The following MGAM2 variants were observed in gnomAD, a reference collection of about 807,000 sequenced individuals.
MGAM2 encodes probable maltase-glucoamylase 2.
Under a neutral mutation model 96.1 loss-of-function variants are expected in MGAM2, and 98 were observed. That is an observed-to-expected ratio of 1.02 (90% CI 0.87 to 1.21). MGAM2 has a LOEUF of 1.21. Among genes scored for constraint, MGAM2 ranks in the 50% most tolerant of loss-of-function variants. The pLI is 0.00. For missense variants in MGAM2, 2,055 were observed against 1,182.4 expected (o/e 1.74, Z -10.82); for synonymous variants, 749 against 414.8 (o/e 1.81, Z -9.79).
rs1481708081 is a variant in MGAM2, at chr7:142,140,820, A to G, written c.1105A>G (p.Ile369Val). Reference sequence around the variant, plus strand: ...CTTTCAGGATGTCCAGTACTCTGACATAGACTACATGGATGGAAAGAAGGA... The same window carrying G: ...CTTTCAGGATGTCCAGTACTCTGACGTAGACTACATGGATGGAAAGAAGGA... ...EIPYDVQYSD[I>V]DYMDGKKDFT... Residue 369 changes from isoleucine (I) to valine (V), a missense_variant, in exon 11 of 48, where the codon ATA (isoleucine) becomes GTA (valine). By Grantham distance (29) the Ile-to-Val change is conservative. Coordinates refer to ENST00000477922, the MANE Select transcript of MGAM2 (RefSeq NM_001293626.2). 1.4e-6 allele frequency: 1 copy of G among 702,762 alleles called. No homozygotes were observed. 43.5% of individuals were successfully genotyped at this position (702,762 alleles called of 1,614,324 possible).
At chr7:142,189,321 T>C (rs1299347862) in intron 36 of MGAM2, 46 bp from the exon 37 acceptor site, 5 of 620,414 alleles carry the variant, frequency 8.1e-6, no homozygotes, top group Non-Finnish European at 1.2e-5. Context: ...TTCTAGTGAA[T>C]GTGCAAATCA....
intron 32 of MGAM2, among the ~76,000 whole-genome samples, chr7:142,182,125 T>TG (rs1198964480): frequency 6.6e-6 from 1 of 151,988 alleles, no homozygotes; most frequent in African/African-American, 2.4e-5. Flanking sequence ...GTTCTGAGAG[T>TG]GGGGCTCCTC....
intron 15 of MGAM2, among the ~76,000 whole-genome samples, chr7:142,150,169 G>T (rs139534776): frequency 6.6e-6 from 1 of 151,612 alleles, no homozygotes; most frequent in African/African-American, 2.4e-5. Flanking sequence ...TCAAACTCCC[G>T]ACCTCTGGTG....
rs182469571 is a variant in MGAM2 at position 142,208,556 on chromosome 7, C to A, written c.5138-17C>A. On this transcript the variant is annotated splice_polypyrimidine_tract_variant and intron_variant, in intron 45 of 47. Coordinates refer to ENST00000477922, the MANE Select transcript of MGAM2 (RefSeq NM_001293626.2). ...GCAGTTAGTAGTTGCTTATTCTTTT[C>A]TTTTCCTTGTTTGCAGATACCTATG... 696 of 702,332 alleles carry A rather than the reference C, an allele frequency of 9.9e-4. 13 individuals are homozygous for A. The Admixed American group carries it at 0.013, about 13-fold the overall frequency. The allele number at this position is 702,332 out of a possible 1,614,324, so 43.5% of individuals were successfully genotyped here.
intron 15 of MGAM2, among the ~76,000 whole-genome samples, chr7:142,153,440 C>G (rs1250803760): frequency 1.3e-5 from 2 of 152,146 alleles, no homozygotes; most frequent in Non-Finnish European, 2.9e-5. Context: ...ATTTCAATGA[C>G]TCTTATTTTG....
chr7:142,162,084 C>A lies in MGAM2; in HGVS notation c.2484+80C>A, dbSNP rs973760472. 6.7e-6 allele frequency: 4 copies of A among 600,394 alleles called. No homozygotes were observed. The African/African-American group carries it at 7.6e-5, about 11-fold the overall frequency. The allele number at this position is 600,394 out of a possible 1,614,324, so 37.2% of individuals were successfully genotyped here. A position where few individuals can be genotyped will look rare whatever the true frequency, so the allele number is the denominator to read the frequency against. On this transcript the variant is annotated intron_variant, in intron 23 of 47. Coordinates refer to ENST00000477922, the MANE Select transcript of MGAM2 (RefSeq NM_001293626.2). The stretch of plus-strand genomic sequence containing the variant: ...TTGAGTTTTTAGTTTAATATAGACA[C>A]ATGGTTATGTGCAGCAGAGACAGGG...
At chr7:142,172,867 G>A (rs1327111166) in intron 30 of MGAM2, 103 bp downstream of exon 30, 5 of 585,234 alleles carry the variant, frequency 8.5e-6, no homozygotes, top group African/African-American at 1.9e-5. Flanking sequence ...ACTCTTGAGT[G>A]TCACTACTAG....
Position 142,199,957 on chromosome 7 carries a change from G to A in MGAM2, c.5126G>A (p.Gly1709Glu), listed in dbSNP as rs1291489175. 1.4e-6 allele frequency: 1 copy of A among 690,146 alleles called. No individual in the cohort carries two copies. The highest frequency in any genetic ancestry group is 2.0e-5 in the Admixed American group (1 of 49,048). The allele number at this position is 690,146 out of a possible 1,614,324, so 42.8% of individuals were successfully genotyped here. ...GAAGGCCAGGTGTTCTGGGATGATGGACAAAGCATTGGTGAGTATAAACTT... is the reference window on the plus strand; with the variant it reads ...GAAGGCCAGGTGTTCTGGGATGATGAACAAAGCATTGGTGAGTATAAACTT... Reference protein sequence around the residue: ...TAEGQVFWDDGQSIDTYENGN... With the variant: ...TAEGQVFWDDEQSIDTYENGN... The change falls in exon 45 of 48, where the codon GGA becomes GAA. Residue 1709 changes from glycine (G) to glutamate (E), a missense_variant. Physicochemically the swap from Gly to Glu is moderately conservative, Grantham distance 98. Coordinates refer to ENST00000477922, the MANE Select transcript of MGAM2 (RefSeq NM_001293626.2).
intron 23 of MGAM2, among the ~76,000 whole-genome samples, chr7:142,163,737 G>A (rs1795955990): frequency 6.6e-6 from 1 of 152,128 alleles, no homozygotes; most frequent in Non-Finnish European, 1.5e-5. Context: ...TAATTTCTTT[G>A]CATCATGGCC....
At chr7:142,206,624 AAGCC>A (rs919657754) in intron 45 of MGAM2, among the ~76,000 whole-genome samples, 60 of 152,334 alleles carry the variant, frequency 3.9e-4, no homozygotes, top group African/African-American at 1.4e-3. Context: ...TAAAGGAATA[AAGCC>A]ATTTCCTACA....
At position 142,220,093 on chromosome 7, in the gene MGAM2, C is replaced by T. The variant is rs971341891; in HGVS notation, c.5582C>T (p.Thr1861Ile). Residue 1861 changes from threonine to isoleucine, a missense_variant, in exon 48 of 48, where the codon ACA becomes ATA. Thr to Ile is a moderately conservative substitution (Grantham distance 89). Coordinates refer to ENST00000477922, the MANE Select transcript of MGAM2 (RefSeq NM_001293626.2). ...TTGTTDTVPI[T>I]TTSFPSTTSV... Reference sequence around the variant, plus strand: ...GGCACTACTGATACTGTTCCTATCACAACCACATCTTTCCCAAGTACTACT... The same window carrying T: ...GGCACTACTGATACTGTTCCTATCATAACCACATCTTTCCCAAGTACTACT... 48 of 702,824 alleles carry T rather than the reference C, an allele frequency of 6.8e-5. No homozygotes were observed. The highest frequency in any genetic ancestry group is 1.2e-4 in the Non-Finnish European group (45 of 384,956). 43.5% of individuals were successfully genotyped at this position (702,824 alleles called of 1,614,324 possible).
chr7:142,199,379 A>C (rs1348389997), intron 44 of MGAM2, among the ~76,000 whole-genome samples: 1 of 152,152 alleles, frequency 6.6e-6, no homozygotes, highest in Non-Finnish European at 1.5e-5. Flanking sequence ...TACAAAGGGG[A>C]AAGAGAGATC....
At chr7:142,183,672 GT>G (rs1796607114) in intron 33 of MGAM2, among the ~76,000 whole-genome samples, 1 of 152,128 alleles carries the variant, frequency 6.6e-6, no homozygotes, top group Middle Eastern at 3.2e-3. Context: ...TGAAATCTGT[GT>G]CTCCCAGACA....
intron 31 of MGAM2, among the ~76,000 whole-genome samples, chr7:142,175,357 T>C (rs1209873425): frequency 1.3e-5 from 2 of 151,962 alleles, no homozygotes; most frequent in East Asian, 3.9e-4. Context: ...ATAGACTGAG[T>C]TTGAGATTTG....
rs185263970 is a variant in MGAM2 at position 142,128,776 on chromosome 7, C to A, written c.187-2172C>A. The stretch of plus-strand genomic sequence containing the variant: ...AGGACGTATGGAAATGCCTGGATGG[C>A]CAGGCACAAGTTTTCTGCATAGGTG... On this transcript the variant is annotated intron_variant, in intron 3 of 47. Transcript: ENST00000477922. Among the ~76,000 whole-genome samples, 91 of 152,300 alleles carry A rather than the reference C, an allele frequency of 6.0e-4. No individual in the cohort carries two copies. The East Asian group carries it at 0.014, about 24-fold the overall frequency.
In MGAM2 at chr7:142,148,154, C is replaced by T. The variant is rs903027457; in HGVS notation, c.1634+581C>T. On this transcript the variant is annotated intron_variant, in intron 15 of 47. Transcript: ENST00000477922. The surrounding 1 kb of genome is among the most constrained non-coding windows in gnomAD (Gnocchi z 4.2). Reference sequence around the variant, plus strand: ...CCATCACCACCACCATTACCTAACACCATCACCATTGTCATAACCACACCA... The same window carrying T: ...CCATCACCACCACCATTACCTAACATCATCACCATTGTCATAACCACACCA... 6.6e-6 allele frequency among the ~76,000 whole-genome samples: 1 copy of T among 151,744 alleles called. No homozygotes were observed. The highest frequency in any genetic ancestry group is 2.4e-5 in the African/African-American group (1 of 41,310).
chr7:142,196,676 T>A (rs1563289087), intron 39 of MGAM2, 24 bp from the exon 40 acceptor site: 1 of 772,910 alleles, frequency 1.3e-6, no homozygotes, highest in Non-Finnish European at 2.4e-6. Flanking sequence ...TCCCACCTCA[T>A]GCTCTCATTA....
intron 3 of MGAM2, among the ~76,000 whole-genome samples, chr7:142,124,801 AT>A (rs1794691375): frequency 1.3e-5 from 2 of 152,034 alleles, no homozygotes; most frequent in Admixed American, 1.3e-4. Flanking sequence ...CTTTTTTCCT[AT>A]TTGATTCTAT....
chr7:142,166,292 G>A, intron 25 of MGAM2, 39 bp downstream of exon 25: 1 of 664,774 alleles, frequency 1.5e-6, no homozygotes, highest in African/African-American at 1.8e-5. Context: ...TGATTAGGAA[G>A]TAATTAGGCA....
Sources: allele counts gnomAD v4.1 joint callset (sites outside exome capture counted in the v4.1 genomes callset), GRCh38; gene constraint gnomAD v4.1.1; non-coding constraint Gnocchi (gnomAD v3.1); transcripts MANE v1.5; gene names NCBI Gene and HGNC (gene_info 2026-07-23, HGNC 2026-07-21).